The following SEH1L variants were observed in gnomAD, a reference collection of about 807,000 sequenced individuals.
The protein encoded by SEH1L is nucleoporin SEH1.
A neutral mutation model predicts 49.5 loss-of-function variants in SEH1L; 18 were observed. That is an observed-to-expected ratio of 0.36 (90% CI 0.25 to 0.54). SEH1L has a LOEUF of 0.54. SEH1L is among the 20% of genes least tolerant of loss of function. The pLI, the probability that SEH1L is intolerant of heterozygous loss-of-function variation, is 0.87. For synonymous variants in SEH1L, 169 were observed against 178.1 expected (o/e 0.95, Z 0.41); for missense variants, 404 against 528.8 (o/e 0.76, Z 2.31).
At chr18:12,955,872 T>C (rs1283988968) in intron 3 of SEH1L, among the ~76,000 whole-genome samples, 1 of 152,140 alleles carries the variant, frequency 6.6e-6, no homozygotes, top group Non-Finnish European at 1.5e-5. Context: ...ATTTTACCTA[T>C]TAGTATATTT....
chr18:12,985,481 G>A, intron 8 of SEH1L: 1 of 1,264,608 alleles, frequency 7.9e-7, no homozygotes, highest in Non-Finnish European at 9.9e-7. Flanking sequence ...TATAAACGGA[G>A]AGGCTTTCTG....
At chr18:12,971,054 A>AC in intron 4 of SEH1L, 99 bp from the exon 5 acceptor site, 1 of 794,852 alleles carries the variant, frequency 1.3e-6, no homozygotes, top group Non-Finnish European at 2.2e-6. Flanking sequence ...TGACAGGCTA[A>AC]CTGTAAGCTG....
At chr18:12,972,147 G>C (rs1399314327) in intron 5 of SEH1L, 5 of 152,242 alleles carry the variant, frequency 3.3e-5, no homozygotes, top group Non-Finnish European at 7.3e-5. Context: ...GGGAGAGTAC[G>C]TGGCTTTGGG....
At chr18:12,982,453 G>T (rs1002927361) in intron 6 of SEH1L, 65 bp from the exon 7 acceptor site, 3 of 1,108,646 alleles carry the variant, frequency 2.7e-6, no homozygotes, top group Non-Finnish European at 1.3e-6. Context: ...ATATATATGT[G>T]TGTGTATATA....
chr18:12,987,327 A>G lies in SEH1L; in HGVS notation c.*270A>G, dbSNP rs1320642214. ...AAGTTACACACAGTAGCTGACTTCAAAGTGCCTGTTCTGTAAATTTTATTT... is the reference window on the plus strand; with the variant it reads ...AAGTTACACACAGTAGCTGACTTCAGAGTGCCTGTTCTGTAAATTTTATTT... On this transcript the variant is annotated 3_prime_UTR_variant, in exon 9 of 9. Transcript: ENST00000399892. 3.9e-6 allele frequency: 1 copy of G among 254,044 alleles called. No individual in the cohort carries two copies. Among genetic ancestry groups the G allele is most frequent in the African/African-American group, 2.2e-5 (1 of 45,158 alleles). 15.7% of individuals were successfully genotyped at this position (254,044 alleles called of 1,614,324 possible). A position where few individuals can be genotyped will look rare whatever the true frequency, so the allele number is the denominator to read the frequency against.
intron 4 of SEH1L, among the ~76,000 whole-genome samples, chr18:12,969,325 A>AG (rs1430781686): frequency 6.6e-6 from 1 of 150,452 alleles, no homozygotes; most frequent in Non-Finnish European, 1.5e-5. Context: ...GCTACTTGGG[A>AG]GGAGGATTGC....
chr18:12,948,196 G>T lies in SEH1L; in HGVS notation c.75G>T (p.Arg25=). The T allele has an allele frequency of 6.2e-7, 1 of 1,612,094 alleles. No homozygotes were observed. The highest frequency in any genetic ancestry group is 8.5e-7 in the Non-Finnish European group (1 of 1,179,366). The part of the protein sequence containing the change: ...IHDVSFDFHG[R]RMATCSSDQS... ...ATGTCTCTTTCGACTTCCACGGGCG[G>T]CGGATGGCAACCTGCTCCAGCGATC... is the stretch of plus-strand genomic sequence containing the variant. Residue 25 remains arginine, a synonymous_variant, in exon 1 of 9, where the codon CGG becomes CGT. Transcript: ENST00000399892.
At chr18:12,956,137 C>A (rs564503811) in intron 3 of SEH1L, among the ~76,000 whole-genome samples, 5 of 151,580 alleles carry the variant, frequency 3.3e-5, no homozygotes, top group Non-Finnish European at 5.9e-5. Flanking sequence ...CTCCGCCTCC[C>A]GGGTTCACGC....
intron 5 of SEH1L, chr18:12,972,900 C>CA (rs35556009): frequency 6.6e-6 from 1 of 151,948 alleles, no homozygotes; most frequent in South Asian, 2.1e-4. Context: ...GACATAAGCC[C>CA]AAAAACGTAA....
At chr18:12,975,842 G>T in intron 5 of SEH1L, 1 of 985,774 alleles carries the variant, frequency 1.0e-6, no homozygotes, top group Non-Finnish European at 1.2e-6. Context: ...GATGAAGAGG[G>T]ACCGGGGAGA....
At chr18:12,985,203 A>G in intron 8 of SEH1L, 1 of 1,596,852 alleles carries the variant, frequency 6.3e-7, no homozygotes. Flanking sequence ...TCTGTGATGC[A>G]TTTTCCCTTT....
At chr18:12,986,750 T>A in intron 8 of SEH1L, 112 bp from the exon 9 acceptor site, 1 of 1,209,940 alleles carries the variant, frequency 8.3e-7, no homozygotes, top group Non-Finnish European at 1.0e-6. Flanking sequence ...TTCTAGCATG[T>A]GTTTTCTCCT....
At chr18:12,972,701 A>C (rs543266850) in intron 5 of SEH1L, 2 of 152,344 alleles carry the variant, frequency 1.3e-5, no homozygotes, top group African/African-American at 4.8e-5. Context: ...GTCTGCAGAG[A>C]GGCTCAGTCT....
chr18:12,980,874 AC>A (rs1212083856), intron 6 of SEH1L, among the ~76,000 whole-genome samples: 5 of 101,920 alleles, frequency 4.9e-5, no homozygotes, highest in African/African-American at 1.5e-4. Flanking sequence ...CGGGGGGCTG[AC>A]CCCCCCCACC....
chr18:12,980,051 T>C (rs1598976730), intron 6 of SEH1L, among the ~76,000 whole-genome samples: 1 of 84,108 alleles, frequency 1.2e-5, no homozygotes, highest in Non-Finnish European at 2.3e-5. Flanking sequence ...CCCACCTCCC[T>C]CCTGGACGGG....
intron 6 of SEH1L, among the ~76,000 whole-genome samples, chr18:12,981,877 T>TTTTTTTGG (rs869274893): frequency 1.4e-5 from 2 of 144,612 alleles, no homozygotes; most frequent in African/African-American, 2.6e-5. Context: ...TTTTTTTTTT[T>TTTTTTTGG]GAGGCAAGGT....
intron 6 of SEH1L, among the ~76,000 whole-genome samples, chr18:12,980,011 C>G (rs1426465039): frequency 7.2e-6 from 1 of 138,618 alleles, no homozygotes; most frequent in Non-Finnish European, 1.6e-5. Flanking sequence ...CTGACCCCCC[C>G]ACCTCCCTCC....
At position 12,981,113 on chromosome 18, in the gene SEH1L, C is replaced by T. The variant is rs186371887; in HGVS notation, c.762-1405C>T. On this transcript the variant is annotated intron_variant, in intron 6 of 8. Coordinates refer to ENST00000399892, the MANE Select transcript of SEH1L (RefSeq NM_001013437.2). ...CTCCTCACTTCTCAGACAGGGCGGC[C>T]GGGCAGAGATGCTCCCCACATCTCA... Among the ~76,000 whole-genome samples the T allele has an allele frequency of 1.9e-3, 283 of 150,894 alleles. 6 individuals are homozygous for T. The East Asian group carries it at 0.036, about 19-fold the overall frequency.
chr18:12,955,143 A>G (rs2030774226), intron 2 of SEH1L, among the ~76,000 whole-genome samples: 1 of 151,520 alleles, frequency 6.6e-6, no homozygotes, highest in Non-Finnish European at 1.5e-5. Flanking sequence ...ACTCTGAAGC[A>G]ACTCTCCAAC....
Sources: gnomAD v4.1 joint callset for allele counts (sites outside exome capture counted in the v4.1 genomes callset) on GRCh38, gnomAD v4.1.1 for gene constraint, MANE v1.5 for transcripts, NCBI Gene and HGNC (gene_info 2026-07-23, HGNC 2026-07-21) for gene names.